The following LIN28B variants were observed in gnomAD, a reference collection of about 807,000 sequenced individuals.
LIN28B encodes the protein lin-28 RNA binding posttranscriptional regulator B.
LIN28B carries 5 observed loss-of-function variants against 21.9 expected under a neutral mutation model. The ratio of observed to expected loss-of-function variants is 0.23; its 90% CI spans 0.12 to 0.48. The LOEUF (loss-of-function observed/expected upper bound fraction) is 0.48, where lower values mean the gene tolerates loss of function less well. Ranked by LOEUF, LIN28B falls within the 20% of genes least tolerant of loss-of-function variation. LIN28B has a pLI of 0.98. For missense variants in LIN28B, 245 were observed against 310.5 expected, an observed-to-expected ratio of 0.79 and a Z score of 1.58; for synonymous variants, 109 against 111.3, an observed-to-expected ratio of 0.98 and a Z score of 0.13.
chr6:105,072,167 A>G (rs1772345239), intron 3 of LIN28B, among the ~76,000 whole-genome samples: 1 of 152,174 alleles, frequency 6.6e-6, no homozygotes, highest in Admixed American at 6.6e-5. Flanking sequence ...ATAAAATTAC[A>G]TCAATATTGT....
chr6:105,039,843 GATTT>G (rs1433313099), intron 3 of LIN28B, among the ~76,000 whole-genome samples: 4 of 152,014 alleles, frequency 2.6e-5, no homozygotes. Context: ...GCTGTGTAAA[GATTT>G]AGGGGAAAGT....
Position 105,080,237 on chromosome 6 carries a change from A to G in LIN28B, c.*1454A>G, listed in dbSNP as rs999882683. On this transcript the variant is annotated 3_prime_UTR_variant, in exon 4 of 4. Transcript: ENST00000345080. Reference sequence around the variant, plus strand: ...ATTATTTTGGGGTCATCCTGGCTCTAGATGTTATGGGCAAATTTCTGAAAC... The same window carrying G: ...ATTATTTTGGGGTCATCCTGGCTCTGGATGTTATGGGCAAATTTCTGAAAC... The G allele has an allele frequency of 2.6e-5, 4 of 152,624 alleles. No individual in the cohort carries two copies. 9.5% of individuals were successfully genotyped at this position (152,624 alleles called of 1,614,324 possible).
Position 105,074,770 on chromosome 6 carries a change from A to G in LIN28B, c.384-3644A>G, listed in dbSNP as rs189492154. On this transcript the variant is annotated intron_variant, in intron 3 of 3. Coordinates refer to ENST00000345080, the MANE Select transcript of LIN28B (RefSeq NM_001004317.4). Reference sequence around the variant, plus strand: ...GCCCAGGCTGGAATGCAGTGAATCAATCTTGGCTCACTGCAGCCTCTGCCT... The same window carrying G: ...GCCCAGGCTGGAATGCAGTGAATCAGTCTTGGCTCACTGCAGCCTCTGCCT... Among the ~76,000 whole-genome samples the G allele has an allele frequency of 1.1e-3, 175 of 152,272 alleles. 1 individual carries two copies. The highest frequency in any genetic ancestry group is 2.1e-3 in the Non-Finnish European group (146 of 68,018).
At chr6:104,938,245 A>T (rs1778035513) in intron 2 of LIN28B, among the ~76,000 whole-genome samples, 1 of 151,990 alleles carries the variant, frequency 6.6e-6, no homozygotes, top group Admixed American at 6.6e-5. Context: ...CCGAGTCTCT[A>T]AAAAAGGGGA....
intron 3 of LIN28B, among the ~76,000 whole-genome samples, chr6:105,042,324 A>G (rs1771655269): frequency 6.6e-6 from 1 of 152,200 alleles, no homozygotes; most frequent in African/African-American, 2.4e-5. Context: ...ATGAGCTTGT[A>G]CTATAATCTA....
At chr6:104,976,841 G>A (rs1053373730) in intron 2 of LIN28B, among the ~76,000 whole-genome samples, 1 of 152,196 alleles carries the variant, frequency 6.6e-6, no homozygotes, top group Admixed American at 6.5e-5. Context: ...CTCAAGCCAA[G>A]GTTGGGACCA....
chr6:105,047,820 G>C (rs1217695387), intron 3 of LIN28B, among the ~76,000 whole-genome samples: 3 of 152,096 alleles, frequency 2.0e-5, no homozygotes. Context: ...CTCTCTGTTT[G>C]TCTGTTATTG....
intron 2 of LIN28B, among the ~76,000 whole-genome samples, chr6:105,017,791 A>G (rs1006936342): frequency 6.6e-6 from 1 of 152,170 alleles, no homozygotes; most frequent in Non-Finnish European, 1.5e-5. Flanking sequence ...ATTGGGTAAT[A>G]TGCTCATTAC....
chr6:105,049,565 T>C (rs1426362825), intron 3 of LIN28B, among the ~76,000 whole-genome samples: 4 of 152,166 alleles, frequency 2.6e-5, no homozygotes, highest in Non-Finnish European at 5.9e-5. Flanking sequence ...CTTGTTAACT[T>C]TCTGTCTCGT....
chr6:104,961,306 A>G (rs1423998164), intron 2 of LIN28B, among the ~76,000 whole-genome samples: 1 of 152,182 alleles, frequency 6.6e-6, no homozygotes, highest in Non-Finnish European at 1.5e-5. Context: ...TTTTATTTTT[A>G]AATATATTTA....
chr6:104,978,303 A>C (rs1003908862), intron 2 of LIN28B, among the ~76,000 whole-genome samples: 1 of 152,198 alleles, frequency 6.6e-6, no homozygotes, highest in Non-Finnish European at 1.5e-5. Flanking sequence ...AAAAACATTG[A>C]ACTGGATGTT....
At chr6:104,992,484 T>C (rs186546501) in intron 2 of LIN28B, among the ~76,000 whole-genome samples, 1 of 136,028 alleles carries the variant, frequency 7.4e-6, no homozygotes, top group East Asian at 2.2e-4. Context: ...TAAGTTTCTG[T>C]TGTGTGTGTG....
intron 2 of LIN28B, among the ~76,000 whole-genome samples, chr6:105,000,278 A>G (rs1250869917): frequency 2.0e-5 from 3 of 152,200 alleles, no homozygotes; most frequent in Non-Finnish European, 4.4e-5. Flanking sequence ...CTCTGTGTGT[A>G]TGAAAAAATG....
intron 2 of LIN28B, 119 bp downstream of exon 2, chr6:104,958,405 C>T (rs1769627571): frequency 7.9e-6 from 6 of 758,250 alleles, no homozygotes; most frequent in Non-Finnish European, 1.2e-5. Flanking sequence ...CAAAATCTTC[C>T]CTGAAATCAC....
intron 3 of LIN28B, 43 bp from the exon 4 acceptor site, chr6:105,078,371 A>G (rs1268525140): frequency 1.9e-6 from 3 of 1,546,524 alleles, no homozygotes; most frequent in South Asian, 1.2e-5. Flanking sequence ...TTTTGGATAC[A>G]TGCTGCCTAC....
intron 3 of LIN28B, among the ~76,000 whole-genome samples, chr6:105,077,584 G>A (rs1196171468): frequency 6.6e-6 from 1 of 152,062 alleles, no homozygotes; most frequent in East Asian, 1.9e-4. Context: ...ACATATTATG[G>A]ACGGATTTCC....
intron 3 of LIN28B, among the ~76,000 whole-genome samples, chr6:105,046,843 C>T (rs1034676467): frequency 2.0e-5 from 3 of 152,116 alleles, no homozygotes; most frequent in African/African-American, 4.8e-5. Context: ...TGATCTCCTT[C>T]GCCCACTTGT....
At chr6:105,071,453 ATTAG>A (rs928278799) in intron 3 of LIN28B, among the ~76,000 whole-genome samples, 20 of 152,252 alleles carry the variant, frequency 1.3e-4, no homozygotes, top group Admixed American at 3.9e-4. Context: ...AACAATAACA[ATTAG>A]TTATTGTTAG....
chr6:105,070,931 C>T (rs990801924), intron 3 of LIN28B, among the ~76,000 whole-genome samples: 1 of 152,136 alleles, frequency 6.6e-6, no homozygotes, highest in Non-Finnish European at 1.5e-5. Context: ...GGCTGGAATG[C>T]AGTGGTGCAA....
Sources: allele counts gnomAD v4.1 joint callset (sites outside exome capture counted in the v4.1 genomes callset), GRCh38; gene constraint gnomAD v4.1.1; transcripts MANE v1.5; gene names NCBI Gene and HGNC (gene_info 2026-07-23, HGNC 2026-07-21).